Variants in SLC34A2 observed in about 807,000 individuals in gnomAD.
SLC34A2 encodes the protein sodium-dependent phosphate transport protein 2B.
In SLC34A2, 41 loss-of-function variants were observed where a neutral mutation model predicts 50.8. That is an observed-to-expected ratio of 0.81 (90% CI 0.63 to 1.05). The LOEUF is 1.05. Ranked by LOEUF, SLC34A2 falls within the 50% of genes least tolerant of loss-of-function variation. The pLI, the probability that SLC34A2 is intolerant of heterozygous loss-of-function variation, is 0.00. For synonymous variants in SLC34A2, 401 were observed against 364.2 expected (o/e 1.10, Z -1.15); for missense variants, 879 against 876.7 (o/e 1.00, Z -0.03).
Position 25,673,149 on chromosome 4 carries a change from C to A in SLC34A2, c.1111C>A (p.Leu371Ile). 1.2e-6 allele frequency: 2 copies of A among 1,614,134 alleles called. No individual in the cohort carries two copies. Among genetic ancestry groups the A allele is most frequent in the Admixed American group, 1.7e-5 (1 of 60,024 alleles). The change falls in exon 10 of 13, where the codon CTC (leucine) becomes ATC (isoleucine). Residue 371 changes from leucine (L) to isoleucine (I), a missense_variant. Physicochemically the swap from Leu to Ile is conservative, Grantham distance 5. Coordinates refer to ENST00000382051, the MANE Select transcript of SLC34A2 (RefSeq NM_006424.3). ...TGCTGTGGGCACCATCTTGCTCATACTCTCCCTGCTGGTCCTCTGTGGTTG... is the reference window on the plus strand; with the variant it reads ...TGCTGTGGGCACCATCTTGCTCATAATCTCCCTGCTGGTCCTCTGTGGTTG... ...DLAVGTILLI[L>I]SLLVLCGCLI...
At chr4:25,668,378 C>T (rs974426664) in intron 6 of SLC34A2, among the ~76,000 whole-genome samples, 6 of 152,190 alleles carry the variant, frequency 3.9e-5, no homozygotes, top group South Asian at 2.1e-4. Flanking sequence ...TGGGACTGGG[C>T]GTGGTGGCTC....
At chr4:25,670,961 CAA>C (rs1201104089) in intron 8 of SLC34A2, 128 bp downstream of exon 8, 1 of 767,004 alleles carries the variant, frequency 1.3e-6, no homozygotes, top group East Asian at 2.7e-5. Context: ...CCTGAAAAAT[CAA>C]AAGTGACCAG....
intron 3 of SLC34A2, among the ~76,000 whole-genome samples, 195 bp downstream of exon 3, chr4:25,663,037 C>T (rs758084466): frequency 1.3e-5 from 2 of 151,580 alleles, no homozygotes; most frequent in East Asian, 1.9e-4. Context: ...TGCAGTGGTG[C>T]GATATTGGCT....
intron 5 of SLC34A2, chr4:25,667,144 G>A (rs1288982286): frequency 2.6e-5 from 4 of 152,254 alleles, no homozygotes; most frequent in Admixed American, 6.5e-5. Context: ...TATCAAAAAA[G>A]GTGCAGCAAT....
chr4:25,662,486 T>C lies in SLC34A2; in HGVS notation c.-3-12T>C. On this transcript the variant is annotated splice_polypyrimidine_tract_variant and intron_variant, in intron 1 of 12. Transcript: ENST00000382051. The stretch of plus-strand genomic sequence containing the variant: ...CCATGACTGCTGCTTTAAGCTGTTT[T>C]CTCATCCACAGACCATGGCTCCCTG... 1 of 1,611,790 alleles carries C rather than the reference T, an allele frequency of 6.2e-7. No homozygotes were observed. Among genetic ancestry groups the C allele is most frequent in the Non-Finnish European group, 8.5e-7 (1 of 1,178,070 alleles).
chr4:25,671,698 C>A lies in SLC34A2; in HGVS notation c.1025C>A (p.Thr342Asn). ...CAAAACTGGACCATGAAGAATGTGA[C>A]CTACAAGGAGAACATCGCCAAATGT... Reference protein sequence around the residue: ...GIQNWTMKNVTYKENIAKCQH... With the variant: ...GIQNWTMKNVNYKENIAKCQH... The change falls in exon 9 of 13, where the codon ACC (threonine) becomes AAC (asparagine). Residue 342 changes from threonine to asparagine, a missense_variant. Physicochemically the swap from Thr to Asn is moderately conservative, Grantham distance 65 (BLOSUM62 0). Transcript: ENST00000382051. The A allele has an allele frequency of 6.2e-7, 1 of 1,614,190 alleles. No individual in the cohort carries two copies. The highest frequency in any genetic ancestry group is 8.5e-7 in the Non-Finnish European group (1 of 1,180,038).
In SLC34A2 at chr4:25,676,359, C is replaced by A. The variant is rs751332566; in HGVS notation, c.1683C>A (p.Pro561=). Residue 561 remains proline, a synonymous_variant, in exon 13 of 13, where the codon CCC becomes CCA. Coordinates refer to ENST00000382051, the MANE Select transcript of SLC34A2 (RefSeq NM_006424.3). ...GGGTGCTGGTTGGTGTCGGGGTTCCCGTCGTCTTCATCATCATCCTGGTAC... is the reference window on the plus strand; with the variant it reads ...GGGTGCTGGTTGGTGTCGGGGTTCCAGTCGTCTTCATCATCATCCTGGTAC... The part of the protein sequence containing the change: ...GWRVLVGVGV[P]VVFIIILVLC... 1 of 1,614,170 alleles carries A rather than the reference C, an allele frequency of 6.2e-7. No homozygotes were observed. The highest frequency in any genetic ancestry group is 8.5e-7 in the Non-Finnish European group (1 of 1,180,040).
At chr4:25,666,346 G>T in intron 5 of SLC34A2, 75 bp downstream of exon 5, 1 of 1,547,670 alleles carries the variant, frequency 6.5e-7, no homozygotes, top group Non-Finnish European at 8.8e-7. Context: ...AAGGACGGGG[G>T]AGGAATTCAC....
chr4:25,665,339 GTA>G (rs1490565614), intron 4 of SLC34A2, among the ~76,000 whole-genome samples: 1 of 151,994 alleles, frequency 6.6e-6, no homozygotes, highest in African/African-American at 2.4e-5. Context: ...GCTAATTTTT[GTA>G]TTTTTAGTAG....
rs752077445 is a variant in SLC34A2 at position 25,662,551 on chromosome 4, C to T, written c.51C>T (p.Tyr17=). 6.2e-7 allele frequency: 1 copy of T among 1,614,092 alleles called. No homozygotes were observed. The highest frequency in any genetic ancestry group is 1.1e-5 in the South Asian group (1 of 91,074). Residue 17 remains tyrosine (Y), a synonymous_variant, in exon 2 of 13, where the codon TAC becomes TAT. Transcript: ENST00000382051. ...ATGCCCAGCCCAACCCCGATAAGTACCTCGAAGGGGCCGCAGGTCAGCAGC... is the reference window on the plus strand; with the variant it reads ...ATGCCCAGCCCAACCCCGATAAGTATCTCGAAGGGGCCGCAGGTCAGCAGC... ...LGDAQPNPDK[Y]LEGAAGQQPT...
In SLC34A2 at chr4:25,676,837, T is replaced by A; in HGVS notation, c.*88T>A. ...CCCACTTCTGCACCCTTTCACCACC[T>A]CGAGGAGATTTGCTCCCCATTAGCG... On this transcript the variant is annotated 3_prime_UTR_variant, in exon 13 of 13. Transcript: ENST00000382051. 1 of 1,574,182 alleles carries A rather than the reference T, an allele frequency of 6.4e-7. No individual in the cohort carries two copies.
chr4:25,662,135 G>C (rs1318655057), intron 1 of SLC34A2, among the ~76,000 whole-genome samples: 1 of 152,204 alleles, frequency 6.6e-6, no homozygotes. Context: ...GCCTCCCAAA[G>C]TGCTGGGATT....
intron 1 of SLC34A2, among the ~76,000 whole-genome samples, chr4:25,657,828 A>G (rs1046736261): frequency 7.2e-5 from 11 of 152,296 alleles, no homozygotes; most frequent in Middle Eastern, 3.4e-3. Flanking sequence ...CACAGGTTCA[A>G]GGGACTCTCC....
chr4:25,667,683 G>A (rs959372794), intron 5 of SLC34A2, among the ~76,000 whole-genome samples, 197 bp from the exon 6 acceptor site: 1 of 152,176 alleles, frequency 6.6e-6, no homozygotes, highest in Non-Finnish European at 1.5e-5. Flanking sequence ...ATCTGCAATA[G>A]GGAGGAAGGA....
chr4:25,660,988 G>A (rs1328469391), intron 1 of SLC34A2, among the ~76,000 whole-genome samples: 2 of 152,238 alleles, frequency 1.3e-5, no homozygotes, highest in African/African-American at 4.8e-5. Flanking sequence ...GGACTGGAAT[G>A]TGAGGTGTGT....
At chr4:25,672,684 G>T (rs192269653) in intron 9 of SLC34A2, among the ~76,000 whole-genome samples, 1 of 152,066 alleles carries the variant, frequency 6.6e-6, no homozygotes, top group Non-Finnish European at 1.5e-5. Context: ...ATTATCTGGG[G>T]GATGCAGAAG....
Position 25,666,278 on chromosome 4 carries a change from C to T in SLC34A2, c.523+7C>T, listed in dbSNP as rs766150889. The T allele has an allele frequency of 2.1e-5, 34 of 1,613,504 alleles. 1 individual carries two copies. The highest frequency in any genetic ancestry group is 1.7e-4 in the Middle Eastern group (1 of 6,060). On this transcript the variant is annotated splice_region_variant and intron_variant, in intron 5 of 12. Coordinates refer to ENST00000382051, the MANE Select transcript of SLC34A2 (RefSeq NM_006424.3). Reference sequence around the variant, plus strand: ...AGCATGGTGTCCTCTTCATGTGAGTCGGGGCACCCATGAGCCCACCTGCAT... The same window carrying T: ...AGCATGGTGTCCTCTTCATGTGAGTTGGGGCACCCATGAGCCCACCTGCAT...
At chr4:25,669,221 G>A (rs1170175434) in intron 6 of SLC34A2, among the ~76,000 whole-genome samples, 1 of 152,026 alleles carries the variant, frequency 6.6e-6, no homozygotes, top group Non-Finnish European at 1.5e-5. Flanking sequence ...ATCAAATCAG[G>A]GTATTTGAGG....
In SLC34A2 at chr4:25,671,656, G is replaced by C. The variant is rs745693733; in HGVS notation, c.983G>C (p.Cys328Ser). 1 of 1,614,150 alleles carries C rather than the reference G, an allele frequency of 6.2e-7. No homozygotes were observed. Among genetic ancestry groups the C allele is most frequent in the South Asian group, 1.1e-5 (1 of 91,084 alleles). ...GCTAACTGCACCTCCCCTTCCCTCTGTTGGACGGATGGCATCCAAAACTGG... is the reference window on the plus strand; with the variant it reads ...GCTAACTGCACCTCCCCTTCCCTCTCTTGGACGGATGGCATCCAAAACTGG... ...STANCTSPSL[C>S]WTDGIQNWTM... is the part of the protein sequence containing the mutation. Residue 328 changes from cysteine to serine, a missense_variant, in exon 9 of 13, where the codon TGT becomes TCT. Cys to Ser is a moderately radical substitution (Grantham distance 112). Transcript: ENST00000382051.
Sources: allele counts gnomAD v4.1 joint callset (sites outside exome capture counted in the v4.1 genomes callset), GRCh38; gene constraint gnomAD v4.1.1; transcripts MANE v1.5; gene names NCBI Gene and HGNC (gene_info 2026-07-23, HGNC 2026-07-21).